Variants in PRSS3 observed in about 807,000 individuals in gnomAD.
PRSS3 encodes the protein serine protease 3.
PRSS3 carries 14 observed loss-of-function variants against 20.8 expected under a neutral mutation model. The observed-to-expected ratio is 0.67, with a 90% confidence interval of 0.44 to 1.05. The LOEUF (loss-of-function observed/expected upper bound fraction) is 1.05, where lower values mean the gene tolerates loss of function less well. Among genes scored for constraint, PRSS3 ranks in the 50% least tolerant of loss-of-function variants. The pLI, the probability that PRSS3 is intolerant of heterozygous loss-of-function variation, is 0.00. For missense variants in PRSS3, 237 were observed against 306.4 expected, an observed-to-expected ratio of 0.77 and a Z score of 1.69; for synonymous variants, 91 against 117.6, an observed-to-expected ratio of 0.77 and a Z score of 1.46.
At position 33,770,148 on chromosome 9, in the gene PRSS3, C is replaced by CA. The variant is rs75350050; in HGVS notation, c.-53+19436dup. 9.3e-3 allele frequency among the ~76,000 whole-genome samples: 1,297 copies of CA among 139,590 alleles called. 14 individuals are homozygous for CA. Among genetic ancestry groups the CA allele is most frequent in the African/African-American group, 0.023 (891 of 38,460 alleles). The allele number at this position is 139,590 out of a possible 152,430, so 91.6% of individuals were successfully genotyped here. A position where few individuals can be genotyped will look rare whatever the true frequency, so the allele number is the denominator to read the frequency against. ...CGACAAGGGTGAAATGAAACTGTCT[C>CA]AAAAAAAAAAAAAAATTGAACGGAA... On this transcript the variant is annotated intron_variant, in intron 1 of 5. Coordinates refer to the PRSS3 transcript ENST00000342836.
intron 1 of PRSS3, among the ~76,000 whole-genome samples, chr9:33,774,336 T>C (rs1823828536): frequency 6.6e-6 from 1 of 152,212 alleles, no homozygotes; most frequent in South Asian, 2.1e-4. Context: ...CTCAGTCTTC[T>C]ATGAATCATA....
intron 1 of PRSS3, among the ~76,000 whole-genome samples, chr9:33,756,545 A>G (rs1822958755): frequency 6.6e-6 from 1 of 152,156 alleles, no homozygotes; most frequent in African/African-American, 2.4e-5. Context: ...TGAATCTGAA[A>G]ATGGGATCTC....
chr9:33,753,773 G>T (rs1228794624), intron 1 of PRSS3, among the ~76,000 whole-genome samples: 1 of 152,212 alleles, frequency 6.6e-6, no homozygotes, highest in Non-Finnish European at 1.5e-5. Flanking sequence ...GTCATTAGAA[G>T]TTCATTCAGC....
At chr9:33,753,955 C>T (rs1382358095) in intron 1 of PRSS3, among the ~76,000 whole-genome samples, 1 of 152,164 alleles carries the variant, frequency 6.6e-6, no homozygotes, top group East Asian at 1.9e-4. Flanking sequence ...TAGCATGGAG[C>T]TCTCATCCTC....
chr9:33,755,718 GTTGT>G (rs1486988539), intron 1 of PRSS3, among the ~76,000 whole-genome samples: 1 of 152,122 alleles, frequency 6.6e-6, no homozygotes, highest in East Asian at 1.9e-4. Context: ...ATTTTCTTTA[GTTGT>G]TTGTTTGAGA....
At chr9:33,751,284 G>T (rs1822685416) in intron 1 of PRSS3, among the ~76,000 whole-genome samples, 1 of 152,148 alleles carries the variant, frequency 6.6e-6, no homozygotes, top group African/African-American at 2.4e-5. Flanking sequence ...ATCCTTTCCT[G>T]AGGCCAGGAA....
chr9:33,773,682 G>T (rs190301855), intron 1 of PRSS3, among the ~76,000 whole-genome samples: 50 of 152,340 alleles, frequency 3.3e-4, no homozygotes, highest in Admixed American at 2.3e-3. Flanking sequence ...CCCAGCGGTG[G>T]AGTGACACGG....
chr9:33,775,859 C>T (rs574862467), intron 1 of PRSS3, among the ~76,000 whole-genome samples: 5 of 152,156 alleles, frequency 3.3e-5, no homozygotes, highest in African/African-American at 1.2e-4. Flanking sequence ...CCCACTACCA[C>T]GCCCGGCTAA....
chr9:33,779,315 GA>G (rs1435001936), intron 1 of PRSS3, among the ~76,000 whole-genome samples: 2 of 152,146 alleles, frequency 1.3e-5, no homozygotes, highest in South Asian at 2.1e-4. Context: ...GAAGAAATTT[GA>G]AACTCAATCC....
intron 1 of PRSS3, among the ~76,000 whole-genome samples, chr9:33,760,632 G>T (rs1587370393): frequency 6.6e-6 from 1 of 151,288 alleles, no homozygotes; most frequent in African/African-American, 2.4e-5. Flanking sequence ...TATAGTCCCA[G>T]CTACTCGGGA....
chr9:33,769,877 G>C (rs2118893545), intron 1 of PRSS3, among the ~76,000 whole-genome samples: 1 of 152,344 alleles, frequency 6.6e-6, no homozygotes, highest in East Asian at 1.9e-4. Flanking sequence ...CTCAAGCCTT[G>C]GAATTGGGCT....
upstream of PRSS3, among the ~76,000 whole-genome samples, chr9:33,792,940 AATGGC>A (rs1824701435): frequency 6.6e-6 from 1 of 152,220 alleles, no homozygotes; most frequent in Admixed American, 6.5e-5. Context: ...GAGTACCAAG[AATGGC>A]ATGTCCTCCA....
chr9:33,768,854 T>C (rs1251768709), intron 1 of PRSS3, among the ~76,000 whole-genome samples: 2 of 152,016 alleles, frequency 1.3e-5, no homozygotes, highest in African/African-American at 4.8e-5. Context: ...AAACTCCGTC[T>C]CCACAAAAAA....
At chr9:33,792,639 C>T (rs1325567982), upstream of PRSS3, among the ~76,000 whole-genome samples, 1 of 152,266 alleles carries the variant, frequency 6.6e-6, no homozygotes, top group Non-Finnish European at 1.5e-5. Flanking sequence ...TACATCCCAT[C>T]TTTAAAACCT....
At chr9:33,762,872 A>G (rs988989757) in intron 1 of PRSS3, among the ~76,000 whole-genome samples, 26 of 152,222 alleles carry the variant, frequency 1.7e-4, no homozygotes, top group Admixed American at 1.3e-3. Context: ...ATAGTGTACG[A>G]GCACCAGACT....
At chr9:33,773,059 A>G (rs1456852379) in intron 1 of PRSS3, among the ~76,000 whole-genome samples, 1 of 152,048 alleles carries the variant, frequency 6.6e-6, no homozygotes, top group African/African-American at 2.4e-5. Flanking sequence ...AATGGCATCA[A>G]CCATAATTTC....
chr9:33,752,316 A>G (rs930707497), intron 1 of PRSS3, among the ~76,000 whole-genome samples: 3 of 152,180 alleles, frequency 2.0e-5, no homozygotes, highest in African/African-American at 7.2e-5. Flanking sequence ...CAGCTGCTAT[A>G]CTTAGCTGTT....
chr9:33,767,405 GTGA>G (rs1385345133), intron 1 of PRSS3, among the ~76,000 whole-genome samples: 1 of 152,264 alleles, frequency 6.6e-6, no homozygotes, highest in Admixed American at 6.5e-5. Flanking sequence ...CCAAGTGTAT[GTGA>G]TGAAGTCCTC....
intron 1 of PRSS3, among the ~76,000 whole-genome samples, chr9:33,781,914 AC>A (rs1824199067): frequency 6.6e-6 from 1 of 152,116 alleles, no homozygotes; most frequent in African/African-American, 2.4e-5. Context: ...TGTTCTGCCC[AC>A]CCCAGACTTG....
Sources: allele counts gnomAD v4.1 joint callset (sites outside exome capture counted in the v4.1 genomes callset), GRCh38; gene constraint gnomAD v4.1.1; transcripts MANE v1.5; gene names NCBI Gene and HGNC (gene_info 2026-07-23, HGNC 2026-07-21).